Variants in BRINP2 observed in about 807,000 individuals in gnomAD.
BRINP2 encodes BMP/retinoic acid inducible neural specific 2.
BRINP2 carries 21 observed loss-of-function variants against 69.2 expected under a neutral mutation model. The observed-to-expected ratio is 0.30, with a 90% CI of 0.22 to 0.44. The LOEUF (loss-of-function observed/expected upper bound fraction) is 0.44, where lower values mean the gene tolerates loss of function less well. BRINP2 is among the 20% of genes least tolerant of loss of function. The pLI, the probability that BRINP2 is intolerant of heterozygous loss-of-function variation, is 1.00. For synonymous variants in BRINP2, 380 were observed against 394.1 expected (o/e 0.96, Z 0.42); for missense variants, 877 against 986.0 (o/e 0.89, Z 1.48).
chr1:177,223,893 C>T (rs1351724910), intron 1 of BRINP2, among the ~76,000 whole-genome samples: 1 of 152,022 alleles, frequency 6.6e-6, no homozygotes. Flanking sequence ...CAAAATGTGT[C>T]ACCCCTGCTC....
Position 177,255,922 on chromosome 1 carries a change from G to A in BRINP2, c.273G>A (p.Glu91=). The change falls in exon 3 of 8, where the codon GAG becomes GAA. Residue 91 remains glutamate, a synonymous_variant. Transcript: ENST00000361539. ...GFTTRYRIYR[E]FARWKVNNLA... is the part of the protein sequence containing the mutation. ...TATCCCTTGGCTTTTCCCCCAGGGA[G>A]TTTGCCCGTTGGAAGGTGAACAACT... The A allele has an allele frequency of 6.2e-7, 1 of 1,614,024 alleles. No homozygotes were observed. Among genetic ancestry groups the A allele is most frequent in the Non-Finnish European group, 8.5e-7 (1 of 1,179,938 alleles).
At chr1:177,276,504 A>G in intron 6 of BRINP2, 70 bp downstream of exon 6, 2 of 1,414,538 alleles carry the variant, frequency 1.4e-6, no homozygotes, top group Non-Finnish European at 9.9e-7. Context: ...CATGGGGAGA[A>G]CAAAACTTGA....
At chr1:177,204,359 T>C (rs1280244520) in intron 1 of BRINP2, among the ~76,000 whole-genome samples, 2 of 151,298 alleles carry the variant, frequency 1.3e-5, no homozygotes, top group Non-Finnish European at 2.9e-5. Flanking sequence ...TGGATGGAGG[T>C]GAGGTCACCA....
chr1:177,260,907 A>C (rs1428883448), intron 4 of BRINP2, among the ~76,000 whole-genome samples: 2 of 152,208 alleles, frequency 1.3e-5, no homozygotes, highest in Non-Finnish European at 2.9e-5. Context: ...AGCTGAACCC[A>C]TAATATCTCT....
At chr1:177,278,478 C>T (rs1396244465) in intron 6 of BRINP2, 85 bp from the exon 7 acceptor site, 9 of 1,292,972 alleles carry the variant, frequency 7.0e-6, no homozygotes. Context: ...CTTTGAAGGG[C>T]CCTGGATCTG....
chr1:177,178,909 A>G (rs888175421), intron 1 of BRINP2, among the ~76,000 whole-genome samples: 1 of 152,206 alleles, frequency 6.6e-6, no homozygotes, highest in Non-Finnish European at 1.5e-5. Flanking sequence ...GACATTGCCG[A>G]TAATAGCTAA....
At chr1:177,256,741 G>T in intron 3 of BRINP2, 1 of 1,081,402 alleles carries the variant, frequency 9.2e-7, no homozygotes, top group Non-Finnish European at 1.1e-6. Context: ...CCCAGGGCTC[G>T]GGCCAGCTGT....
At position 177,229,961 on chromosome 1, in the gene BRINP2, G is replaced by C. The variant is rs1299166103; in HGVS notation, c.85G>C (p.Gly29Arg). 2 of 1,613,484 alleles carry C rather than the reference G, an allele frequency of 1.2e-6. No individual in the cohort carries two copies. The highest frequency in any genetic ancestry group is 1.7e-6 in the Non-Finnish European group (2 of 1,179,866). ...WTALLALGLP[G>R]WVLAVSATAA... ...AGCCCTGCTGGCACTGGGCCTGCCT[G>C]GCTGGGTGTTGGCTGTCTCAGCCAC... The change falls in exon 2 of 8, where the codon GGC becomes CGC. Residue 29 changes from glycine (G) to arginine (R), a missense_variant. Gly to Arg is a moderately radical substitution (Grantham distance 125). Coordinates refer to ENST00000361539, the MANE Select transcript of BRINP2 (RefSeq NM_021165.4).
intron 2 of BRINP2, among the ~76,000 whole-genome samples, chr1:177,242,279 A>G (rs10753148): frequency 1.4e-4 from 22 of 152,028 alleles, no homozygotes; most frequent in Admixed American, 1.2e-3. Flanking sequence ...TCTGTCCCCC[A>G]AAAATAAAAC....
At chr1:177,266,628 C>T (rs940725440) in intron 4 of BRINP2, among the ~76,000 whole-genome samples, 19 of 151,396 alleles carry the variant, frequency 1.3e-4, no homozygotes, top group South Asian at 6.3e-4. Context: ...GGCGTGGTGG[C>T]GGGCACCTGT....
At position 177,280,941 on chromosome 1, in the gene BRINP2, T is replaced by C; in HGVS notation, c.1765T>C (p.Tyr589His). The change falls in exon 8 of 8, where the codon TAC (tyrosine) becomes CAC (histidine). Residue 589 changes from tyrosine to histidine, a missense_variant. Tyr to His is a moderately conservative substitution (Grantham distance 83). This residue lies in a region of BRINP2 where 86 missense variants were observed against 142.1 expected (regional missense o/e 0.61). Transcript: ENST00000361539. Reference protein sequence around the residue: ...NSTLEPVMAIYVNPFGGSHSE... With the variant: ...NSTLEPVMAIHVNPFGGSHSE... ...CACCCTGGAGCCTGTCATGGCCATC[T>C]ACGTCAACCCCTTTGGGGGCAGCCA... 1 of 1,614,206 alleles carries C rather than the reference T, an allele frequency of 6.2e-7. No individual in the cohort carries two copies.
chr1:177,205,858 T>C (rs559427869), intron 1 of BRINP2, among the ~76,000 whole-genome samples: 1 of 152,354 alleles, frequency 6.6e-6, no homozygotes, highest in Non-Finnish European at 1.5e-5. Flanking sequence ...AAGATGGCCT[T>C]CAATACTCGT....
intron 1 of BRINP2, among the ~76,000 whole-genome samples, chr1:177,219,859 A>G (rs1315367005): frequency 6.6e-6 from 1 of 152,222 alleles, no homozygotes; most frequent in Non-Finnish European, 1.5e-5. Context: ...GCCTTAAACC[A>G]CCCTATGTAT....
intron 4 of BRINP2, among the ~76,000 whole-genome samples, chr1:177,264,311 CA>C (rs1304652850): frequency 6.6e-6 from 1 of 152,078 alleles, no homozygotes; most frequent in African/African-American, 2.4e-5. Context: ...ACGCATCTCA[CA>C]ATAATAACAG....
intron 1 of BRINP2, among the ~76,000 whole-genome samples, chr1:177,208,073 T>G (rs551048217): frequency 6.6e-6 from 1 of 152,328 alleles, no homozygotes; most frequent in South Asian, 2.1e-4. Context: ...CTTTAGAAAT[T>G]AATCTCTTTA....
intron 1 of BRINP2, among the ~76,000 whole-genome samples, chr1:177,208,225 A>T (rs1649119902): frequency 6.6e-6 from 1 of 152,208 alleles, no homozygotes. Context: ...AGTACTAGCC[A>T]CAGGTACTAA....
chr1:177,228,658 C>G (rs977427283), intron 1 of BRINP2, among the ~76,000 whole-genome samples: 1 of 152,114 alleles, frequency 6.6e-6, no homozygotes, highest in African/African-American at 2.4e-5. Flanking sequence ...TGGCACACAC[C>G]GAATTGGTGC....
At chr1:177,228,597 G>T (rs906165364) in intron 1 of BRINP2, among the ~76,000 whole-genome samples, 2 of 152,182 alleles carry the variant, frequency 1.3e-5, no homozygotes, top group Non-Finnish European at 1.5e-5. Flanking sequence ...TTGGCAGTCA[G>T]AGAATGTTCT....
rs181913413 is a variant in BRINP2, at chr1:177,190,985, C to A, written c.-77+19253C>A. On this transcript the variant is annotated intron_variant, in intron 1 of 7. Coordinates refer to ENST00000361539, the MANE Select transcript of BRINP2 (RefSeq NM_021165.4). ...TCATCCTTAACCAATAGCATAAAGC[C>A]CAATATTTCCCTCAATAGTCAAGAG... Among the ~76,000 whole-genome samples, 220 of 152,226 alleles carry A rather than the reference C, an allele frequency of 1.4e-3. 1 individual carries two copies. The highest frequency in any genetic ancestry group is 5.2e-3 in the African/African-American group (214 of 41,552).
Sources: gnomAD v4.1 joint callset for allele counts (sites outside exome capture counted in the v4.1 genomes callset) on GRCh38, gnomAD v4.1.1 for gene constraint, gnomAD v4.1.1 regional missense constraint, MANE v1.5 for transcripts, NCBI Gene and HGNC (gene_info 2026-07-23, HGNC 2026-07-21) for gene names.